Variants in CDC42BPA observed in about 807,000 individuals in gnomAD.
The protein encoded by CDC42BPA is serine/threonine-protein kinase MRCK alpha.
A neutral mutation model predicts 223.5 loss-of-function variants in CDC42BPA; 80 were observed. That is an observed-to-expected ratio of 0.36 (90% CI 0.30 to 0.43). The LOEUF (loss-of-function observed/expected upper bound fraction) is 0.43. CDC42BPA is among the 20% of genes least tolerant of loss of function. CDC42BPA has a pLI of 1.00. For missense variants in CDC42BPA, 1,743 were observed against 2,099.9 expected (o/e 0.83, Z 3.32); for synonymous variants, 694 against 718.6 (o/e 0.97, Z 0.55).
Position 227,318,026 on chromosome 1 carries a change from C to G in CDC42BPA, c.-844G>C, listed in dbSNP as rs548267372. ...GGCTCCGGAGAAGCGGCTACTTGGC[C>G]GCCCGAGCCCACTCCATGTCGGTGG... is the stretch of plus-strand genomic sequence containing the variant. On this transcript the variant is annotated 5_prime_UTR_variant, in exon 1 of 37. Coordinates refer to ENST00000366766, the MANE Select transcript of CDC42BPA (RefSeq NM_001394014.1). The G allele has an allele frequency of 3.9e-5, 14 of 358,966 alleles. No individual in the cohort carries two copies. The South Asian group carries it at 1.2e-3, about 30-fold the overall frequency. The allele number at this position is 358,966 out of a possible 1,614,324, so 22.2% of individuals were successfully genotyped here.
intron 26 of CDC42BPA, among the ~76,000 whole-genome samples, chr1:227,033,989 T>G (rs1669795367): frequency 6.6e-6 from 1 of 152,222 alleles, no homozygotes; most frequent in Admixed American, 6.5e-5. Flanking sequence ...CCTGTCATGT[T>G]CCATATTTGT....
rs1215485814 is a variant in CDC42BPA, at chr1:227,129,059, T to C, written c.1513+50A>G. On this transcript the variant is annotated intron_variant, in intron 11 of 36. Transcript: ENST00000366766. ...AGATGTTTTTTGTGTGAATAAACCA[T>C]TTTTTAAACATTTCCTAAATTGAAT... 3.2e-6 allele frequency: 4 copies of C among 1,253,690 alleles called. No individual in the cohort carries two copies. The African/African-American group carries it at 4.5e-5, about 14-fold the overall frequency. The allele number at this position is 1,253,690 out of a possible 1,614,324, so 77.7% of individuals were successfully genotyped here. A position where few individuals can be genotyped will look rare whatever the true frequency, so the allele number is the denominator to read the frequency against.
At chr1:227,289,706 T>C (rs759210968) in intron 1 of CDC42BPA, among the ~76,000 whole-genome samples, 1 of 152,184 alleles carries the variant, frequency 6.6e-6, no homozygotes, top group Admixed American at 6.5e-5. Flanking sequence ...TTAATGTGTG[T>C]ACTCCACAAA....
At chr1:227,281,496 G>A (rs1010329586) in intron 1 of CDC42BPA, among the ~76,000 whole-genome samples, 3 of 152,126 alleles carry the variant, frequency 2.0e-5, no homozygotes, top group African/African-American at 7.2e-5. Flanking sequence ...GTAGACATGA[G>A]GCCCTCAAAA....
rs10599884 is a variant in CDC42BPA, at chr1:227,273,995, CAAAAAAAAAAAAAA to C, written c.179-19854_179-19841del. 4.2e-4 allele frequency among the ~76,000 whole-genome samples: 24 copies of C among 57,004 alleles called. 1 individual carries two copies. Among genetic ancestry groups the C allele is most frequent in the African/African-American group, 1.4e-3 (22 of 15,654 alleles). The allele number at this position is 57,004 out of a possible 152,430, so 37.4% of individuals were successfully genotyped here. ...ATAGTTTTCAAATATTCGTATACAC[CAAAAAAAAAAAAAA>C]AAAAAAAAAAAAGGAAGAGTATTTC... On this transcript the variant is annotated intron_variant, in intron 1 of 36. Transcript: ENST00000366766.
At chr1:227,239,748 A>T (rs1679700677) in intron 2 of CDC42BPA, among the ~76,000 whole-genome samples, 2 of 152,158 alleles carry the variant, frequency 1.3e-5, no homozygotes, top group African/African-American at 4.8e-5. Flanking sequence ...TTATAGTAAC[A>T]GAAGACAATA....
intron 2 of CDC42BPA, among the ~76,000 whole-genome samples, chr1:227,236,800 GCTCATGC>G (rs1382977529): frequency 1.6e-4 from 25 of 152,102 alleles, no homozygotes; most frequent in Admixed American, 1.6e-3. Context: ...GGGCACAGTG[GCTCATGC>G]CTGTAATCCC....
At position 227,240,411 on chromosome 1, in the gene CDC42BPA, T is replaced by C. The variant is rs142762698; in HGVS notation, c.270+13653A>G. On this transcript the variant is annotated intron_variant, in intron 2 of 36. Transcript: ENST00000366766. ...ATCAGTAGGCTTTTATAAAAATTGA[T>C]ATATTGATTCTAAAATGCAAAAGTC... Among the ~76,000 whole-genome samples, 326 of 152,156 alleles carry C rather than the reference T, an allele frequency of 2.1e-3. 3 individuals carry two copies. Among genetic ancestry groups the C allele is most frequent in the African/African-American group, 7.4e-3 (309 of 41,560 alleles).
At chr1:227,195,854 A>T (rs145017180) in intron 4 of CDC42BPA, among the ~76,000 whole-genome samples, 1 of 152,210 alleles carries the variant, frequency 6.6e-6, no homozygotes, top group Non-Finnish European at 1.5e-5. Flanking sequence ...AATATTCATA[A>T]TAGGTCAAGG....
chr1:227,304,119 CCA>C (rs1692144011), intron 1 of CDC42BPA, among the ~76,000 whole-genome samples: 1 of 152,170 alleles, frequency 6.6e-6, no homozygotes, highest in Admixed American at 6.5e-5. Context: ...TCACTTTTGA[CCA>C]CATGTGGTGG....
chr1:227,003,548 G>A (rs1195895070), intron 35 of CDC42BPA, among the ~76,000 whole-genome samples: 3 of 152,154 alleles, frequency 2.0e-5, no homozygotes, highest in Admixed American at 6.5e-5. Context: ...TGAATTTGAC[G>A]GGAGTAAAAT....
Position 227,074,007 on chromosome 1 carries a change from C to T in CDC42BPA, c.2592G>A (p.Met864Ile). 6.2e-7 allele frequency: 1 copy of T among 1,609,654 alleles called. No homozygotes were observed. Among genetic ancestry groups the T allele is most frequent in the South Asian group, 1.1e-5 (1 of 89,726 alleles). Residue 864 changes from methionine (M) to isoleucine (I), a missense_variant, in exon 19 of 37, where the codon ATG becomes ATA. Physicochemically the swap from Met to Ile is conservative, Grantham distance 10. Around this residue, in one of 6 missense-constraint regions of CDC42BPA, gnomAD observed 36 missense variants for 71.9 expected, o/e 0.50. Transcript: ENST00000366766. ...TCGCAAAACGACGCATTTTCCAGGG[C>T]ATATCCTATGAAATAATGACTGTGT... ...NSSLGTRATD[M>I]PWKMRRFAKL...
chr1:227,086,686 CTTT>C (rs58206079), intron 16 of CDC42BPA, among the ~76,000 whole-genome samples: 26 of 142,522 alleles, frequency 1.8e-4, no homozygotes, highest in African/African-American at 2.8e-4. Flanking sequence ...TTTTTTTTTC[CTTT>C]TTTTTTTTTT....
chr1:227,215,108 T>A (rs565396180), intron 2 of CDC42BPA, among the ~76,000 whole-genome samples: 1 of 152,264 alleles, frequency 6.6e-6, no homozygotes, highest in East Asian at 1.9e-4. Context: ...CAAACCCCAA[T>A]GAGAATGTTA....
chr1:227,195,099 T>C (rs1438450982), intron 4 of CDC42BPA, among the ~76,000 whole-genome samples: 1 of 152,204 alleles, frequency 6.6e-6, no homozygotes, highest in Non-Finnish European at 1.5e-5. Flanking sequence ...AGAAACTAAT[T>C]TCGCATATTT....
chr1:227,128,443 T>C (rs1656309097), intron 11 of CDC42BPA, among the ~76,000 whole-genome samples: 5 of 152,184 alleles, frequency 3.3e-5, no homozygotes. Context: ...CAAAGTTATA[T>C]ATTTACTGGT....
At chr1:227,033,479 G>A (rs1229173738) in intron 26 of CDC42BPA, 64 bp from the exon 27 acceptor site, 1 of 1,079,712 alleles carries the variant, frequency 9.3e-7, no homozygotes, top group Admixed American at 1.7e-5. Flanking sequence ...TTTGGGGTGT[G>A]TATCCAAATA....
intron 11 of CDC42BPA, among the ~76,000 whole-genome samples, chr1:227,120,154 C>T (rs1180754617): frequency 2.0e-5 from 3 of 150,676 alleles, no homozygotes; most frequent in Non-Finnish European, 4.4e-5. Context: ...TGCAACAATG[C>T]CTTACATACT....
At chr1:227,098,614 C>A (rs1282411874) in intron 15 of CDC42BPA, among the ~76,000 whole-genome samples, 3 of 152,058 alleles carry the variant, frequency 2.0e-5, no homozygotes, top group Admixed American at 6.6e-5. Flanking sequence ...CTTGAGTCTT[C>A]CTTTTTCTCC....
Sources: allele counts gnomAD v4.1 joint callset (sites outside exome capture counted in the v4.1 genomes callset), GRCh38; gene constraint gnomAD v4.1.1; regional missense constraint gnomAD v4.1.1; transcripts MANE v1.5; gene names NCBI Gene and HGNC (gene_info 2026-07-23, HGNC 2026-07-21).